Variants in DNAH6 observed in about 807,000 individuals in gnomAD.
DNAH6 encodes the protein axonemal beta dynein heavy chain 6.
In DNAH6, 340 loss-of-function variants were observed where a neutral mutation model predicts 491.4. That is an observed-to-expected ratio of 0.69 (90% CI 0.63 to 0.76). DNAH6 has a LOEUF of 0.76. Ranked by LOEUF, DNAH6 falls within the 30% of genes least tolerant of loss-of-function variation. The pLI is 0.00. For missense variants in DNAH6, 4,443 were observed against 4,972.2 expected, an observed-to-expected ratio of 0.89 and a Z score of 3.20; for synonymous variants, 1,603 against 1,686.1, an observed-to-expected ratio of 0.95 and a Z score of 1.21.
At chr2:84,647,489 A>C (rs1182599947) in intron 33 of DNAH6, among the ~76,000 whole-genome samples, 1 of 152,202 alleles carries the variant, frequency 6.6e-6, no homozygotes, top group Non-Finnish European at 1.5e-5. Context: ...GACTCTAGTT[A>C]GGGGCTAAAG....
At chr2:84,737,921 G>C (rs1699650786) in intron 62 of DNAH6, among the ~76,000 whole-genome samples, 2 of 151,902 alleles carry the variant, frequency 1.3e-5, no homozygotes, top group East Asian at 1.9e-4. Context: ...TACAAGGTTA[G>C]TTTGTTAATT....
chr2:84,604,210 T>A (rs932407979), intron 18 of DNAH6, 129 bp from the exon 19 acceptor site: 1 of 702,338 alleles, frequency 1.4e-6, no homozygotes, highest in Non-Finnish European at 2.4e-6. Flanking sequence ...TCATCCAGAT[T>A]TTGCTCTGTG....
intron 37 of DNAH6, among the ~76,000 whole-genome samples, chr2:84,663,297 G>A (rs1297331476): frequency 3.3e-5 from 5 of 152,194 alleles, no homozygotes; most frequent in South Asian, 2.1e-4. Context: ...AAACTCCTCC[G>A]AGCTAAAGGA....
In DNAH6 at chr2:84,670,384, T is replaced by C. The variant is rs1175897026; in HGVS notation, c.6363T>C (p.Pro2121=). 10 of 1,545,084 alleles carry C rather than the reference T, an allele frequency of 6.5e-6. No homozygotes were observed. In the East Asian group the frequency reaches 1.2e-4, roughly 19 times the overall value. The change falls in exon 39 of 77, where the codon CCT becomes CCC. Residue 2121 remains proline, a synonymous_variant. Transcript: ENST00000389394. ...NKIQESAGYV[P]VYLNFSAQTS... is the part of the protein sequence containing the mutation. ...TTCAAGAATCAGCTGGCTATGTCCC[T>C]GTTTATCTAAATTTTTCTGCTCAAA...
At position 84,717,570 on chromosome 2, in the gene DNAH6, G is replaced by C. The variant is rs183194055; in HGVS notation, c.9612-634G>C. On this transcript the variant is annotated intron_variant, in intron 58 of 76. Transcript: ENST00000389394. ...TGATAACCACAGTGCCCACCTTATGGGGGGGGCATTCAAAGGATTAATAGA... is the reference window on the plus strand; with the variant it reads ...TGATAACCACAGTGCCCACCTTATGCGGGGGGCATTCAAAGGATTAATAGA... Among the ~76,000 whole-genome samples the C allele has an allele frequency of 4.5e-3, 689 of 151,534 alleles. 7 individuals carry two copies. The highest frequency in any genetic ancestry group is 0.016 in the African/African-American group (647 of 41,058).
intron 17 of DNAH6, 147 bp downstream of exon 17, chr2:84,594,232 A>G: frequency 9.5e-6 from 2 of 211,580 alleles, no homozygotes; most frequent in Non-Finnish European, 1.6e-5. Flanking sequence ...GATAATTTTT[A>G]TAAGCTTTCC....
At chr2:84,794,530 C>T (rs1678124148) in intron 68 of DNAH6, among the ~76,000 whole-genome samples, 1 of 150,864 alleles carries the variant, frequency 6.6e-6, no homozygotes, top group South Asian at 2.1e-4. Flanking sequence ...CATGAACAGA[C>T]ACTTCTCAAA....
intron 47 of DNAH6, 99 bp downstream of exon 47, chr2:84,697,826 A>G (rs1315057478): frequency 1.6e-6 from 2 of 1,284,658 alleles, no homozygotes; most frequent in African/African-American, 1.5e-5. Flanking sequence ...CCATGAATAA[A>G]ATTTTTTTCA....
At position 84,658,401 on chromosome 2, in the gene DNAH6, T is replaced by G; in HGVS notation, c.5867T>G (p.Ile1956Ser). ...KCSQAIPQVDISKVTTLCCLL... is the reference protein window; with the variant it reads ...KCSQAIPQVDSSKVTTLCCLL... ...AGCCAAGCAATTCCACAAGTGGACA[T>G]CAGCAAAGTTACTACACTCTGTTGC... The change falls in exon 36 of 77, where the codon ATC becomes AGC. Residue 1956 changes from isoleucine to serine, a missense_variant. Around this residue, in one of 3 missense-constraint regions of DNAH6, gnomAD observed 2,977 missense variants for 3,296.6 expected, o/e 0.90. Transcript: ENST00000389394. 6.5e-7 allele frequency: 1 copy of G among 1,549,442 alleles called. No individual in the cohort carries two copies.
intron 11 of DNAH6, among the ~76,000 whole-genome samples, chr2:84,560,850 C>A (rs1389889130): frequency 1.3e-5 from 2 of 151,676 alleles, no homozygotes; most frequent in African/African-American, 4.8e-5. Flanking sequence ...TTCTTAATCC[C>A]GTCTATCATT....
At chr2:84,639,213 G>A (rs1362209528) in intron 31 of DNAH6, among the ~76,000 whole-genome samples, 2 of 151,938 alleles carry the variant, frequency 1.3e-5, no homozygotes, top group South Asian at 2.1e-4. Context: ...CTACAAACAG[G>A]GACAATAAAT....
intron 47 of DNAH6, 66 bp from the exon 48 acceptor site, chr2:84,699,528 C>G: frequency 1.4e-6 from 2 of 1,419,584 alleles, no homozygotes; most frequent in Non-Finnish European, 1.9e-6. Context: ...ATGCATTAGC[C>G]AACACTTATT....
At chr2:84,761,360 T>A (rs1674563652) in intron 63 of DNAH6, among the ~76,000 whole-genome samples, 1 of 151,400 alleles carries the variant, frequency 6.6e-6, no homozygotes. Flanking sequence ...AAAAAAAAAA[T>A]TACTTAATGA....
intron 68 of DNAH6, among the ~76,000 whole-genome samples, chr2:84,791,972 C>T (rs910281350): frequency 6.6e-6 from 1 of 152,060 alleles, no homozygotes; most frequent in African/African-American, 2.4e-5. Flanking sequence ...AATATGGAAA[C>T]AACCCAAATG....
At position 84,810,546 on chromosome 2, in the gene DNAH6, C is replaced by A. The variant is rs1349644086; in HGVS notation, c.11740-1795C>A. 5.0e-4 allele frequency among the ~76,000 whole-genome samples: 76 copies of A among 152,224 alleles called. 1 individual carries two copies. The highest frequency in any genetic ancestry group is 4.8e-3 in the Admixed American group (73 of 15,288). ...CACGGCATGCTGTAATTGCCAGAGG[C>A]CTTCCTCACCTGACCTCTAGTCCTA... is the stretch of plus-strand genomic sequence containing the variant. On this transcript the variant is annotated intron_variant, in intron 72 of 76. Coordinates refer to ENST00000389394, the MANE Select transcript of DNAH6 (RefSeq NM_001370.2).
At chr2:84,702,591 G>A (rs1696028399) in intron 49 of DNAH6, among the ~76,000 whole-genome samples, 1 of 145,436 alleles carries the variant, frequency 6.9e-6, no homozygotes, top group Non-Finnish European at 1.5e-5. Context: ...CACCCAGGCT[G>A]GAGTGCAGTG....
At chr2:84,462,419 A>G in the DNAH6 span, among the ~76,000 whole-genome samples, 1 of 152,224 alleles carries the variant, frequency 6.6e-6, no homozygotes, top group Non-Finnish European at 1.5e-5. Flanking sequence ...TATAAAAGCA[A>G]GCTGTACCCC....
intron 57 of DNAH6, among the ~76,000 whole-genome samples, chr2:84,715,226 C>G (rs939199816): frequency 6.6e-6 from 1 of 152,088 alleles, no homozygotes; most frequent in Non-Finnish European, 1.5e-5. Flanking sequence ...CAAGATGACA[C>G]AGTCACTAAA....
intron 29 of DNAH6, among the ~76,000 whole-genome samples, chr2:84,627,891 C>G (rs1194808201): frequency 1.3e-5 from 2 of 151,928 alleles, no homozygotes; most frequent in African/African-American, 2.4e-5. Flanking sequence ...TTTTAAGCAA[C>G]AATAAAAATA....
Sources: gnomAD v4.1 joint callset for allele counts (sites outside exome capture counted in the v4.1 genomes callset) on GRCh38, gnomAD v4.1.1 for gene constraint, gnomAD v4.1.1 regional missense constraint, MANE v1.5 for transcripts, NCBI Gene and HGNC (gene_info 2026-07-23, HGNC 2026-07-21) for gene names.